The following AKAP19 variants were observed in gnomAD, a reference collection of about 807,000 sequenced individuals.
The protein encoded by AKAP19 is small A-kinase anchoring protein.
At chr2:189,954,835 C>T in the AKAP19 span, among the ~76,000 whole-genome samples, 1 of 152,208 alleles carries the variant, frequency 6.6e-6, no homozygotes, top group Non-Finnish European at 1.5e-5. Flanking sequence ...GGCAGTTGTA[C>T]ATTTTTGCAT....
chr2:190,095,441 G>A, the AKAP19 span: 7 of 152,136 alleles, frequency 4.6e-5, no homozygotes, highest in Non-Finnish European at 7.4e-5. Flanking sequence ...GACCTCACGA[G>A]GAGGATTAGC....
At chr2:189,947,659 TATC>T in the AKAP19 span, among the ~76,000 whole-genome samples, 380 of 152,216 alleles carry the variant, frequency 2.5e-3, 2 homozygotes, top group African/African-American at 8.4e-3. Context: ...AAAAGTTGTA[TATC>T]ATCATCATTA....
the AKAP19 span, among the ~76,000 whole-genome samples, chr2:190,033,412 G>C: frequency 6.6e-6 from 1 of 152,042 alleles, no homozygotes; most frequent in Non-Finnish European, 1.5e-5. Context: ...AATAATGATG[G>C]TATGAAATTT....
chr2:190,028,795 G>A, the AKAP19 span, among the ~76,000 whole-genome samples: 1 of 151,752 alleles, frequency 6.6e-6, no homozygotes, highest in Non-Finnish European at 1.5e-5. Flanking sequence ...TAATATAGAT[G>A]GAAAAAACCT....
the AKAP19 span, among the ~76,000 whole-genome samples, chr2:190,029,682 C>T: frequency 6.6e-6 from 1 of 152,028 alleles, no homozygotes; most frequent in Non-Finnish European, 1.5e-5. Flanking sequence ...TATTGTAGTG[C>T]AAAAGTAGCC....
chr2:190,129,414 A>G, the AKAP19 span, among the ~76,000 whole-genome samples: 3 of 152,200 alleles, frequency 2.0e-5, no homozygotes, highest in Non-Finnish European at 4.4e-5. Context: ...ATCCCTCAAC[A>G]TACTTATTTT....
the AKAP19 span, among the ~76,000 whole-genome samples, chr2:190,016,925 CA>C: frequency 6.6e-6 from 1 of 152,090 alleles, no homozygotes; most frequent in Non-Finnish European, 1.5e-5. Flanking sequence ...TCTCTCCTTT[CA>C]CATATATTAA....
the AKAP19 span, among the ~76,000 whole-genome samples, chr2:189,987,570 T>C: frequency 1.2e-3 from 187 of 152,292 alleles, 2 homozygotes; most frequent in Middle Eastern, 0.01. Flanking sequence ...CTATTCCCAC[T>C]CTGTCCTACC....
the AKAP19 span, among the ~76,000 whole-genome samples, chr2:189,961,209 T>C: frequency 2.0e-5 from 3 of 152,186 alleles, no homozygotes; most frequent in African/African-American, 7.2e-5. Context: ...ACACCCGTGT[T>C]CTTTGCACAC....
At chr2:190,021,855 G>A in the AKAP19 span, among the ~76,000 whole-genome samples, 2 of 152,248 alleles carry the variant, frequency 1.3e-5, no homozygotes, top group South Asian at 4.2e-4. Flanking sequence ...AATACCTGAA[G>A]GTGGATAGTT....
chr2:190,151,746 A>G, the AKAP19 span, among the ~76,000 whole-genome samples: 1 of 151,762 alleles, frequency 6.6e-6, no homozygotes, highest in Admixed American at 6.6e-5. Context: ...TCACGCCTGT[A>G]ATCCCAGTAC....
chr2:190,059,911 A>G, the AKAP19 span: 3 of 685,734 alleles, frequency 4.4e-6, no homozygotes, highest in Middle Eastern at 3.9e-4. Context: ...TTGGACACCT[A>G]CTTTTATTGG....
the AKAP19 span, among the ~76,000 whole-genome samples, chr2:190,068,019 T>G: frequency 6.6e-6 from 1 of 152,078 alleles, no homozygotes; most frequent in Non-Finnish European, 1.5e-5. Flanking sequence ...TTGGCCAACA[T>G]GGTGAAACAC....
At chr2:189,994,289 G>T in the AKAP19 span, among the ~76,000 whole-genome samples, 1 of 152,038 alleles carries the variant, frequency 6.6e-6, no homozygotes, top group East Asian at 1.9e-4. Flanking sequence ...TGGGATTACA[G>T]GTGTGAGCTG....
the AKAP19 span, among the ~76,000 whole-genome samples, chr2:189,936,387 A>G: frequency 2.0e-5 from 3 of 152,184 alleles, no homozygotes; most frequent in Admixed American, 6.5e-5. Context: ...ACTTTGATAT[A>G]TGTATGATTT....
the AKAP19 span, among the ~76,000 whole-genome samples, chr2:189,976,390 G>T: frequency 2.0e-5 from 3 of 152,308 alleles, 1 homozygote; most frequent in Admixed American, 2.0e-4. Flanking sequence ...TGCCCCTACT[G>T]GGGGGTGCCT....
chr2:189,920,737 A>C, the AKAP19 span, among the ~76,000 whole-genome samples: 2 of 152,208 alleles, frequency 1.3e-5, no homozygotes, highest in African/African-American at 4.8e-5. Flanking sequence ...AATTTCTAGC[A>C]TACTACAGGA....
the AKAP19 span, among the ~76,000 whole-genome samples, chr2:190,108,515 A>T: frequency 6.6e-6 from 1 of 152,202 alleles, no homozygotes; most frequent in Non-Finnish European, 1.5e-5. Flanking sequence ...TTGCCTGGGA[A>T]TTATCCTTGG....
chr2:190,124,830 C>A, the AKAP19 span, among the ~76,000 whole-genome samples: 5 of 151,942 alleles, frequency 3.3e-5, no homozygotes, highest in African/African-American at 1.2e-4. Flanking sequence ...AATATTTTTT[C>A]TTTATGCCCT....
Sources: gnomAD v4.1 joint callset for allele counts (sites outside exome capture counted in the v4.1 genomes callset) on GRCh38, gnomAD v4.1.1 for gene constraint, MANE v1.5 for transcripts, NCBI Gene and HGNC (gene_info 2026-07-23, HGNC 2026-07-21) for gene names.